The following PRUNE2 variants were observed in gnomAD, a reference collection of about 807,000 sequenced individuals.
The protein encoded by PRUNE2 is protein prune homolog 2.
Under a neutral mutation model 252.0 loss-of-function variants are expected in PRUNE2, and 164 were observed. The observed-to-expected ratio is 0.65, with a 90% CI of 0.57 to 0.74. The LOEUF (loss-of-function observed/expected upper bound fraction) is 0.74. Ranked by LOEUF, PRUNE2 falls within the 30% of genes least tolerant of loss-of-function variation. The pLI is 0.00. For synonymous variants in PRUNE2, 1,292 were observed against 1,350.2 expected (o/e 0.96, Z 0.94); for missense variants, 3,495 against 3,711.0 (o/e 0.94, Z 1.51).
chr9:76,686,410 C>T (rs2044095682), intron 9 of PRUNE2, among the ~76,000 whole-genome samples: 3 of 152,216 alleles, frequency 2.0e-5, no homozygotes, highest in African/African-American at 4.8e-5. Context: ...CATAGGAAAT[C>T]CAATCTCTGT....
intron 6 of PRUNE2, among the ~76,000 whole-genome samples, chr9:76,753,480 T>C (rs2050810719): frequency 6.6e-6 from 1 of 152,154 alleles, no homozygotes; most frequent in African/African-American, 2.4e-5. Flanking sequence ...TCAGGAGTAA[T>C]AAGGAACCTT....
In PRUNE2 at chr9:76,688,886, G is replaced by A. The variant is rs1012344616; in HGVS notation, c.8276+14451C>T. On this transcript the variant is annotated intron_variant, in intron 9 of 18. Transcript: ENST00000376718. The stretch of plus-strand genomic sequence containing the variant: ...TCTCTTAAGTCTCCCAACTCCAACC[G>A]ATAGCTCTCCTGACTCCATAGCTGG... Among the ~76,000 whole-genome samples the A allele has an allele frequency of 8.5e-5, 13 of 152,202 alleles. No homozygotes were observed. In the South Asian group the frequency reaches 1.0e-3, roughly 12 times the overall value.
At chr9:76,868,698 C>A (rs2060989317) in intron 1 of PRUNE2, among the ~76,000 whole-genome samples, 1 of 152,088 alleles carries the variant, frequency 6.6e-6, no homozygotes, top group African/African-American at 2.4e-5. Context: ...CAAATTTGCC[C>A]TGAAGACTAG....
chr9:76,631,391 T>C (rs943522463), intron 15 of PRUNE2, among the ~76,000 whole-genome samples: 1 of 152,202 alleles, frequency 6.6e-6, no homozygotes, highest in Non-Finnish European at 1.5e-5. Context: ...TTCTCTCTAA[T>C]TTCAGCTGGC....
intron 6 of PRUNE2, among the ~76,000 whole-genome samples, chr9:76,755,950 G>A (rs2051109241): frequency 6.6e-6 from 1 of 152,144 alleles, no homozygotes; most frequent in Non-Finnish European, 1.5e-5. Context: ...TGATCCACCT[G>A]CCTCGGCCTC....
chr9:76,724,692 G>C (rs535817110), intron 6 of PRUNE2, among the ~76,000 whole-genome samples: 1 of 152,072 alleles, frequency 6.6e-6, no homozygotes, highest in Non-Finnish European at 1.5e-5. Context: ...CTTGAATGGG[G>C]GAGTTTCACA....
chr9:76,774,457 T>TA (rs756648285), intron 6 of PRUNE2, among the ~76,000 whole-genome samples: 2,095 of 73,364 alleles, frequency 0.029, 62 homozygotes, highest in African/African-American at 0.046. Flanking sequence ...ACCCTTTTTT[T>TA]TTTTTTTTTT....
At chr9:76,767,619 ACCTT>A (rs1175232554) in intron 6 of PRUNE2, among the ~76,000 whole-genome samples, 2 of 151,976 alleles carry the variant, frequency 1.3e-5, no homozygotes, top group East Asian at 1.9e-4. Flanking sequence ...TTGTTTCCCT[ACCTT>A]CTTTGTTGAC....
intron 6 of PRUNE2, among the ~76,000 whole-genome samples, chr9:76,735,324 C>A (rs546038051): frequency 6.6e-6 from 1 of 152,118 alleles, no homozygotes; most frequent in South Asian, 2.1e-4. Context: ...GCAGAGGCCA[C>A]ACAAAGAGAA....
At chr9:76,655,557 C>T (rs1174382734) in intron 9 of PRUNE2, 55 bp from the exon 10 acceptor site, 28 of 1,341,880 alleles carry the variant, frequency 2.1e-5, no homozygotes, top group Non-Finnish European at 3.0e-5. Flanking sequence ...GACTTCATTT[C>T]TTTTGAAAAG....
intron 1 of PRUNE2, among the ~76,000 whole-genome samples, chr9:76,872,426 G>A (rs2061260684): frequency 6.6e-6 from 1 of 152,160 alleles, no homozygotes; most frequent in East Asian, 1.9e-4. Context: ...GCAGTGGACA[G>A]GAGCCATTAA....
chr9:76,827,614 T>C (rs917476882), intron 4 of PRUNE2, among the ~76,000 whole-genome samples: 1 of 152,020 alleles, frequency 6.6e-6, no homozygotes. Flanking sequence ...TTAACGCCAG[T>C]CATGGGGGAG....
In PRUNE2 at chr9:76,708,864, T is replaced by C; in HGVS notation, c.3410A>G (p.Asp1137Gly). 6.2e-7 allele frequency: 1 copy of C among 1,613,952 alleles called. No individual in the cohort carries two copies. Among genetic ancestry groups the C allele is most frequent in the South Asian group, 1.1e-5 (1 of 91,080 alleles). The change falls in exon 8 of 19, where the codon GAC becomes GGC. Residue 1137 changes from aspartate (D) to glycine (G), a missense_variant. Transcript: ENST00000376718. Reference protein sequence around the residue: ...ATISDMDNDLDWDDCSGGAAI... With the variant: ...ATISDMDNDLGWDDCSGGAAI... ...CGCACCCCCACTGCAGTCATCCCAG[T>C]CCAAATCATTGTCCATATCTGAGAT...
chr9:76,895,020 G>A (rs767460207), intron 1 of PRUNE2, among the ~76,000 whole-genome samples: 1 of 151,336 alleles, frequency 6.6e-6, no homozygotes, highest in South Asian at 2.1e-4. Flanking sequence ...GCAAGACTCC[G>A]TCTCAAAAAA....
intron 3 of PRUNE2, among the ~76,000 whole-genome samples, chr9:76,847,187 G>A (rs533893625): frequency 2.6e-5 from 4 of 152,138 alleles, no homozygotes; most frequent in South Asian, 4.2e-4. Flanking sequence ...TTAGCCTGAC[G>A]TGGTGGCAGC....
chr9:76,879,198 T>C (rs2061620831), intron 1 of PRUNE2, among the ~76,000 whole-genome samples: 1 of 152,180 alleles, frequency 6.6e-6, no homozygotes, highest in Admixed American at 6.6e-5. Context: ...TCTCCACGTG[T>C]ATGTGGTCTG....
intron 9 of PRUNE2, among the ~76,000 whole-genome samples, chr9:76,696,944 G>A (rs1180104884): frequency 6.6e-6 from 1 of 152,222 alleles, no homozygotes; most frequent in Non-Finnish European, 1.5e-5. Flanking sequence ...CTTGGGCTAC[G>A]CACTATTCCT....
chr9:76,667,064 T>C (rs2040346394), intron 9 of PRUNE2, among the ~76,000 whole-genome samples: 1 of 152,138 alleles, frequency 6.6e-6, no homozygotes, highest in Non-Finnish European at 1.5e-5. Context: ...AAGAAAATTC[T>C]CTTCCAACAA....
intron 1 of PRUNE2, among the ~76,000 whole-genome samples, chr9:76,858,879 G>A (rs1361533393): frequency 1.3e-5 from 2 of 152,142 alleles, no homozygotes; most frequent in Admixed American, 6.5e-5. Flanking sequence ...AGGCCCTGAG[G>A]TGAGAGCAGG....
Sources: gnomAD v4.1 joint callset for allele counts (sites outside exome capture counted in the v4.1 genomes callset) on GRCh38, gnomAD v4.1.1 for gene constraint, MANE v1.5 for transcripts, NCBI Gene and HGNC (gene_info 2026-07-23, HGNC 2026-07-21) for gene names.